Variants in BICRAL observed in about 807,000 individuals in gnomAD.
BICRAL encodes the protein BRD4-interacting chromatin-remodeling complex-associated protein-like.
A neutral mutation model predicts 91.8 loss-of-function variants in BICRAL; 8 were observed. The observed-to-expected ratio is 0.09, with a 90% CI of 0.05 to 0.16. The LOEUF (loss-of-function observed/expected upper bound fraction) is 0.16. BICRAL is among the 10% of genes least tolerant of loss of function. The pLI is 1.00. For missense variants in BICRAL, 1,038 were observed against 1,310.9 expected, an observed-to-expected ratio of 0.79 and a Z score of 3.21; for synonymous variants, 445 against 491.1, an observed-to-expected ratio of 0.91 and a Z score of 1.24.
chr6:42,865,297 A>G lies in BICRAL; in HGVS notation c.3091A>G (p.Ser1031Gly). Reference protein sequence around the residue: ...GRQPQSDPTVSGSVELDFPNF... With the variant: ...GRQPQSDPTVGGSVELDFPNF... ...GCAGCCCCAGAGTGACCCCACGGTT[A>G]GCGGCTCTGTTGAGTTAGATTTCCC... The change falls in exon 13 of 13, where the codon AGC becomes GGC. Residue 1031 changes from serine to glycine, a missense_variant. Transcript: ENST00000314073. 6.2e-7 allele frequency: 1 copy of G among 1,614,184 alleles called. No individual in the cohort carries two copies. Among genetic ancestry groups the G allele is most frequent in the East Asian group, 2.2e-5 (1 of 44,884 alleles).
chr6:42,781,054 A>C (rs1554275253), upstream of BICRAL, among the ~76,000 whole-genome samples: 1 of 151,924 alleles, frequency 6.6e-6, no homozygotes, highest in Non-Finnish European at 1.5e-5. Context: ...CATAATCTAA[A>C]TACTTTGGAT....
upstream of BICRAL, among the ~76,000 whole-genome samples, chr6:42,779,274 A>G (rs1352542723): frequency 3.5e-5 from 5 of 141,440 alleles, no homozygotes; most frequent in African/African-American, 1.3e-4. Context: ...ACACACACAC[A>G]TATCATTGGA....
At chr6:42,817,967 TAAA>T (rs11396430) in intron 2 of BICRAL, among the ~76,000 whole-genome samples, 4 of 107,248 alleles carry the variant, frequency 3.7e-5, no homozygotes, top group African/African-American at 1.4e-4. Context: ...ACCCTATCTC[TAAA>T]AAAAAAAAAA....
chr6:42,845,193 G>GTGTTTTTT (rs1764960599), intron 6 of BICRAL, among the ~76,000 whole-genome samples: 1 of 34,132 alleles, frequency 2.9e-5, no homozygotes, highest in Non-Finnish European at 6.1e-5. Flanking sequence ...TGTTTTTTGG[G>GTGTTTTTT]TGTTTTTTTT....
chr6:42,781,623 G>GT (rs1762911847), upstream of BICRAL, among the ~76,000 whole-genome samples: 3 of 148,848 alleles, frequency 2.0e-5, no homozygotes, highest in Non-Finnish European at 3.0e-5. Flanking sequence ...GTGTGTGTGT[G>GT]GAGAGAGAGC....
At chr6:42,790,020 A>G (rs1322315592) in intron 1 of BICRAL, among the ~76,000 whole-genome samples, 2 of 121,950 alleles carry the variant, frequency 1.6e-5, no homozygotes, top group East Asian at 4.7e-4. Flanking sequence ...ATCTTACACT[A>G]GTAGAGGGAT....
intron 1 of BICRAL, among the ~76,000 whole-genome samples, chr6:42,753,509 G>A (rs1463363748): frequency 6.6e-6 from 1 of 152,156 alleles, no homozygotes; most frequent in Non-Finnish European, 1.5e-5. Flanking sequence ...CATAAAGCAC[G>A]TAAGGGTCCT....
intron 1 of BICRAL, among the ~76,000 whole-genome samples, chr6:42,791,602 AG>A (rs1480049993): frequency 6.6e-6 from 1 of 152,190 alleles, no homozygotes; most frequent in African/African-American, 2.4e-5. Context: ...ACCTTGTTTG[AG>A]ACCCTGATGG....
chr6:42,789,222 A>G lies in BICRAL; in HGVS notation c.-102+7121A>G, dbSNP rs118113412. Among the ~76,000 whole-genome samples, 160 of 152,338 alleles carry G rather than the reference A, an allele frequency of 1.1e-3. 2 individuals are homozygous for G. Among genetic ancestry groups the G allele is most frequent in the East Asian group, 0.01 (54 of 5,190 alleles). On this transcript the variant is annotated intron_variant, in intron 1 of 12. Coordinates refer to ENST00000314073, the MANE Select transcript of BICRAL (RefSeq NM_001393499.1). ...GTTTCACAGCAATGTGAATGTATGT[A>G]ATGCCACTCAACCAAACACTTTTAA...
chr6:42,856,531 C>T (rs572710622), intron 9 of BICRAL, among the ~76,000 whole-genome samples: 2 of 151,632 alleles, frequency 1.3e-5, no homozygotes, highest in East Asian at 2.0e-4. Context: ...CCCGCCATCA[C>T]GCCTGGCTAA....
At chr6:42,856,366 C>CTTT (rs556976712) in intron 9 of BICRAL, among the ~76,000 whole-genome samples, 8 of 68,108 alleles carry the variant, frequency 1.2e-4, no homozygotes, top group South Asian at 5.4e-4. Flanking sequence ...CTTTCTTTTC[C>CTTT]TTTTTTTTTT....
chr6:42,767,854 A>G (rs1333016559), intron 1 of BICRAL, among the ~76,000 whole-genome samples: 3 of 152,214 alleles, frequency 2.0e-5, no homozygotes, highest in African/African-American at 7.2e-5. Flanking sequence ...ACACCAGGCA[A>G]CAGGAAGAAC....
At chr6:42,788,068 A>C (rs1390336112) in intron 1 of BICRAL, among the ~76,000 whole-genome samples, 1 of 151,696 alleles carries the variant, frequency 6.6e-6, no homozygotes, top group Non-Finnish European at 1.5e-5. Context: ...CAACTAATTA[A>C]AAAAAAATTT....
intron 8 of BICRAL, among the ~76,000 whole-genome samples, chr6:42,854,390 C>T (rs1026089466): frequency 2.0e-5 from 3 of 152,116 alleles, no homozygotes; most frequent in Non-Finnish European, 4.4e-5. Flanking sequence ...TGCCATGTTG[C>T]TCACACCTGT....
At chr6:42,802,159 C>A (rs567501628) in intron 1 of BICRAL, among the ~76,000 whole-genome samples, 1 of 151,528 alleles carries the variant, frequency 6.6e-6, no homozygotes, top group South Asian at 2.1e-4. Flanking sequence ...TTGTTTTCAG[C>A]TACTTGGGAG....
chr6:42,817,174 A>G (rs112087966), intron 2 of BICRAL, among the ~76,000 whole-genome samples: 133 of 148,116 alleles, frequency 9.0e-4, no homozygotes, highest in South Asian at 1.5e-3. Flanking sequence ...GTGTGTGTGT[A>G]TATATGTGTG....
rs757918730 is a variant in BICRAL, at chr6:42,830,134, A to T, written c.1801A>T (p.Thr601Ser). ...SSKSTSTFSNTPGTGTQQQFF... is the reference protein window; with the variant it reads ...SSKSTSTFSNSPGTGTQQQFF... ...CAAGTCTACCAGCACCTTCAGTAAC[A>T]CACCTGGAACAGGAACCCAGCAACA... is the stretch of plus-strand genomic sequence containing the variant. The change falls in exon 6 of 13, where the codon ACA (threonine) becomes TCA (serine). Residue 601 changes from threonine to serine, a missense_variant. By Grantham distance (58) the Thr-to-Ser change is moderately conservative. Around this residue, in one of 5 missense-constraint regions of BICRAL, gnomAD observed 532 missense variants for 724.9 expected, o/e 0.73. Coordinates refer to ENST00000314073, the MANE Select transcript of BICRAL (RefSeq NM_001393499.1). The T allele has an allele frequency of 6.2e-7, 1 of 1,614,108 alleles. No homozygotes were observed. Among genetic ancestry groups the T allele is most frequent in the South Asian group, 1.1e-5 (1 of 91,084 alleles).
intron 6 of BICRAL, among the ~76,000 whole-genome samples, chr6:42,840,590 G>A (rs1488781164): frequency 6.6e-6 from 1 of 151,806 alleles, no homozygotes; most frequent in African/African-American, 2.4e-5. Context: ...AGGCTGGAGT[G>A]CAGTGGTGCA....
intron 6 of BICRAL, among the ~76,000 whole-genome samples, chr6:42,835,449 G>A (rs1377123026): frequency 6.6e-6 from 1 of 151,886 alleles, no homozygotes; most frequent in East Asian, 1.9e-4. Flanking sequence ...TTTTCTAACA[G>A]TGAGAAAGCC....
Sources: allele counts gnomAD v4.1 joint callset (sites outside exome capture counted in the v4.1 genomes callset), GRCh38; gene constraint gnomAD v4.1.1; regional missense constraint gnomAD v4.1.1; transcripts MANE v1.5; gene names NCBI Gene and HGNC (gene_info 2026-07-23, HGNC 2026-07-21).